Variants in TMEM63A observed in about 807,000 individuals in gnomAD.
The protein encoded by TMEM63A is transmembrane protein 63A, also known as mechanosensitive cation channel TMEM63A.
In TMEM63A, 76 loss-of-function variants were observed where a neutral mutation model predicts 100.6. The observed-to-expected ratio is 0.76, with a 90% CI of 0.63 to 0.91. The LOEUF is 0.91. Among genes scored for constraint, TMEM63A ranks in the 40% least tolerant of loss-of-function variants. The pLI is 0.00. For synonymous variants in TMEM63A, 401 were observed against 401.1 expected (o/e 1.00, Z 0.00); for missense variants, 876 against 1,008.8 (o/e 0.87, Z 1.78).
downstream of TMEM63A, chr1:225,845,102 G>GCAGGGCCA (rs1434305527): frequency 5.0e-6 from 8 of 1,606,256 alleles, no homozygotes; most frequent in East Asian, 4.5e-5. Flanking sequence ...ACGGAGGGGC[G>GCAGGGCCA]CAGGGCCACA....
chr1:225,856,898 C>G lies in TMEM63A; in HGVS notation c.1484+13G>C. 6.2e-7 allele frequency: 1 copy of G among 1,609,534 alleles called. No individual in the cohort carries two copies. The highest frequency in any genetic ancestry group is 8.5e-7 in the Non-Finnish European group (1 of 1,178,350). ...TTCTTAGGGGCAGGGCCTCGGGGCT[C>G]CCGGGCACTCACTTGGTCCAGTGAG... On this transcript the variant is annotated intron_variant, in intron 16 of 24. Transcript: ENST00000366835.
Position 225,859,183 on chromosome 1 carries a change from AAC to A in TMEM63A, c.1377+11_1377+12del, listed in dbSNP as rs775924218. ...AGCTATCCTGGGAGGGGCCTTGCAG[AAC>A]AGTTACTCACATTCAGCGCATGGAT... is the stretch of plus-strand genomic sequence containing the variant. On this transcript the variant is annotated intron_variant, in intron 15 of 24. Coordinates refer to ENST00000366835, the MANE Select transcript of TMEM63A (RefSeq NM_014698.3). The A allele has an allele frequency of 3.1e-6, 5 of 1,613,898 alleles. No homozygotes were observed. Among genetic ancestry groups the A allele is most frequent in the Non-Finnish European group, 4.2e-6 (5 of 1,179,998 alleles).
intron 16 of TMEM63A, 86 bp downstream of exon 16, chr1:225,856,825 A>G (rs764273035): frequency 1.1e-5 from 17 of 1,581,732 alleles, no homozygotes; most frequent in Non-Finnish European, 1.4e-5. Context: ...CCACTGCCTG[A>G]GCAGCTGGGG....
intron 5 of TMEM63A, 74 bp downstream of exon 5, chr1:225,871,913 T>C: frequency 2.5e-6 from 3 of 1,182,524 alleles, no homozygotes; most frequent in Non-Finnish European, 3.8e-6. Context: ...AGATCCGCCC[T>C]GCTCCCTCCC....
At chr1:225,854,970 A>T (rs768260111) in intron 18 of TMEM63A, among the ~76,000 whole-genome samples, 23 of 152,200 alleles carry the variant, frequency 1.5e-4, no homozygotes, top group Non-Finnish European at 3.4e-4. Context: ...CTGATAGATC[A>T]TAAGATGAGG....
downstream of TMEM63A, among the ~76,000 whole-genome samples, chr1:225,843,142 A>G (rs901566445): frequency 1.3e-5 from 2 of 152,216 alleles, no homozygotes; most frequent in Non-Finnish European, 2.9e-5. Context: ...CCGGGTGAAC[A>G]GTGGGAGAGC....
At chr1:225,869,828 A>C (rs938219194) in intron 6 of TMEM63A, among the ~76,000 whole-genome samples, 5 of 151,290 alleles carry the variant, frequency 3.3e-5, no homozygotes, top group Admixed American at 6.6e-5. Flanking sequence ...AAGCCTGGCT[A>C]ATTTTTGTAT....
At chr1:225,871,891 A>G in intron 5 of TMEM63A, 96 bp downstream of exon 5, 2 of 919,538 alleles carry the variant, frequency 2.2e-6, no homozygotes, top group South Asian at 1.5e-5. Flanking sequence ...TTTCTCCAGC[A>G]CTTGCCGCTC....
chr1:225,854,778 T>G (rs868288526), intron 18 of TMEM63A, among the ~76,000 whole-genome samples: 27 of 152,274 alleles, frequency 1.8e-4, no homozygotes, highest in Admixed American at 3.9e-4. Flanking sequence ...TGGGTTCAGC[T>G]GAAGTCACCT....
intron 10 of TMEM63A, chr1:225,864,135 C>T (rs1395885686): frequency 6.6e-6 from 1 of 152,108 alleles, no homozygotes; most frequent in Non-Finnish European, 1.5e-5. Context: ...GGCAACCTGG[C>T]TCCAAGGTCA....
chr1:225,871,703 A>C (rs1460334234), intron 5 of TMEM63A: 2 of 401,058 alleles, frequency 5.0e-6, no homozygotes, highest in African/African-American at 4.1e-5. Flanking sequence ...GCAAGTCCAT[A>C]ATTAACTGTC....
At chr1:225,880,284 C>T (rs1229064286) in intron 1 of TMEM63A, among the ~76,000 whole-genome samples, 2 of 152,174 alleles carry the variant, frequency 1.3e-5, no homozygotes, top group Non-Finnish European at 2.9e-5. Context: ...TGTCCCTGCC[C>T]ATTAGACACA....
At position 225,865,595 on chromosome 1, in the gene TMEM63A, T is replaced by A. The variant is rs1185165774; in HGVS notation, c.746+302A>T. The stretch of plus-strand genomic sequence containing the variant: ...CTAAGAACCCCGGGGTCAACAATTT[T>A]TTCCCCCGTATGCTCTCAAGACGTT... On this transcript the variant is annotated intron_variant, in intron 10 of 24. Coordinates refer to ENST00000366835, the MANE Select transcript of TMEM63A (RefSeq NM_014698.3). This position sits in a 1 kb window ranked among gnomAD's most constrained non-coding sequence, Gnocchi z 4.6. 1 of 303,144 alleles carries A rather than the reference T, an allele frequency of 3.3e-6. No individual in the cohort carries two copies. Among genetic ancestry groups the A allele is most frequent in the Admixed American group, 4.0e-5 (1 of 24,774 alleles). 18.8% of individuals were successfully genotyped at this position (303,144 alleles called of 1,614,324 possible).
At chr1:225,844,541 T>G, downstream of TMEM63A, 1 of 1,614,144 alleles carries the variant, frequency 6.2e-7, no homozygotes, top group Non-Finnish European at 8.5e-7. Flanking sequence ...CATGCTCTAC[T>G]GGACAACAGG....
chr1:225,845,319 A>T, downstream of TMEM63A: 1 of 1,611,920 alleles, frequency 6.2e-7, no homozygotes, highest in Non-Finnish European at 8.5e-7. Flanking sequence ...GACATCCGCA[A>T]GTTCCTGTCG....
intron 20 of TMEM63A, among the ~76,000 whole-genome samples, chr1:225,851,153 C>G (rs565690111): frequency 6.6e-6 from 1 of 152,152 alleles, no homozygotes; most frequent in South Asian, 2.1e-4. Context: ...CAGTTGGATG[C>G]CTGGCCTCAA....
At chr1:225,866,249 A>C in intron 9 of TMEM63A, 1 of 523,624 alleles carries the variant, frequency 1.9e-6, no homozygotes, top group Non-Finnish European at 3.5e-6. Context: ...GTCACACAGC[A>C]GATCAGAGGA....
intron 16 of TMEM63A, 69 bp downstream of exon 16, chr1:225,856,842 G>C: frequency 6.3e-7 from 1 of 1,585,494 alleles, no homozygotes; most frequent in East Asian, 2.2e-5. Context: ...GGGGGGTTAG[G>C]GTGTGGACAA....
intron 8 of TMEM63A, 81 bp from the exon 9 acceptor site, chr1:225,866,763 C>T: frequency 1.5e-6 from 2 of 1,299,428 alleles, no homozygotes; most frequent in South Asian, 2.5e-5. Flanking sequence ...TGGTTACCCT[C>T]AGTGGGCACT....
Sources: allele counts gnomAD v4.1 joint callset (sites outside exome capture counted in the v4.1 genomes callset), GRCh38; gene constraint gnomAD v4.1.1; non-coding constraint Gnocchi (gnomAD v3.1); transcripts MANE v1.5; gene names NCBI Gene and HGNC (gene_info 2026-07-23, HGNC 2026-07-21).